CLGN: variants seen among roughly 807,000 people sequenced by gnomAD.
CLGN encodes calmegin, also known as testis tissue sperm-binding protein Li 79P.
Under a neutral mutation model 79.1 loss-of-function variants are expected in CLGN, and 62 were observed. The ratio of observed to expected loss-of-function variants is 0.78; its 90% confidence interval spans 0.64 to 0.97. The LOEUF is 0.97. Ranked by LOEUF, CLGN falls within the 50% of genes least tolerant of loss-of-function variation. The probability of loss-of-function intolerance (pLI) is 0.00; values close to 1 mark genes in which losing one functional copy is unlikely to be tolerated. For missense variants in CLGN, 647 were observed against 715.5 expected, an observed-to-expected ratio of 0.90 and a Z score of 1.09; for synonymous variants, 225 against 224.7, an observed-to-expected ratio of 1.00 and a Z score of -0.01.
chr4:140,399,344 A>T (rs1728954229), intron 7 of CLGN, among the ~76,000 whole-genome samples: 1 of 152,336 alleles, frequency 6.6e-6, no homozygotes, highest in African/African-American at 2.4e-5. Flanking sequence ...TTTTATAGTT[A>T]CAAAATACAA....
Position 140,389,149 on chromosome 4 carries a change from A to T in CLGN, c.*75T>A. On this transcript the variant is annotated 3_prime_UTR_variant, in exon 15 of 15. Transcript: ENST00000325617. ...TAGAAACAGGATGTGCAGACTGATT[A>T]AAGTTCAGGTCTGGCATGCTGATTT... 9.1e-7 allele frequency: 1 copy of T among 1,102,938 alleles called. No homozygotes were observed. The highest frequency in any genetic ancestry group is 1.4e-6 in the Non-Finnish European group (1 of 719,130). The allele number at this position is 1,102,938 out of a possible 1,614,324, so 68.3% of individuals were successfully genotyped here.
chr4:140,400,351 G>GTATA lies in CLGN; in HGVS notation c.694+2_694+5dup, dbSNP rs550006824. The stretch of plus-strand genomic sequence containing the variant: ...TTGAATACATGAATGAATTAAAAGG[G>GTATA]TATACCAAGGGTATAAAGATGAGTC... On this transcript the variant is annotated splice_donor_region_variant and intron_variant, in intron 7 of 14. Coordinates refer to ENST00000325617, the MANE Select transcript of CLGN (RefSeq NM_004362.3). 1.5e-4 allele frequency: 229 copies of GTATA among 1,567,538 alleles called. 1 individual carries two copies. The East Asian group carries it at 3.8e-3, about 26-fold the overall frequency.
chr4:140,407,601 A>G (rs1279167490), intron 4 of CLGN, among the ~76,000 whole-genome samples: 1 of 151,962 alleles, frequency 6.6e-6, no homozygotes, highest in Non-Finnish European at 1.5e-5. Flanking sequence ...AAAAAAAAAA[A>G]AATCCCTAGG....
intron 2 of CLGN, 34 bp downstream of exon 2, chr4:140,412,901 G>T: frequency 6.3e-7 from 1 of 1,578,910 alleles, no homozygotes; most frequent in South Asian, 1.1e-5. Context: ...CTATGTAAAG[G>T]AATAATTTAT....
In CLGN at chr4:140,412,150, G is replaced by C. The variant is rs181321608; in HGVS notation, c.144+785C>G. Among the ~76,000 whole-genome samples, 493 of 152,158 alleles carry C rather than the reference G, an allele frequency of 3.2e-3. 5 individuals carry two copies. The highest frequency in any genetic ancestry group is 0.011 in the African/African-American group (465 of 41,548). The stretch of plus-strand genomic sequence containing the variant: ...GTCCTTACAGAGCTTCAATTTAACA[G>C]GGGAAACATACTATTCACCTTAAAC... On this transcript the variant is annotated intron_variant, in intron 2 of 14. Coordinates refer to ENST00000325617, the MANE Select transcript of CLGN (RefSeq NM_004362.3).
Position 140,392,647 on chromosome 4 carries a change from A to T in CLGN, c.1430T>A (p.Leu477His). Residue 477 changes from leucine to histidine, a missense_variant, in exon 12 of 15, where the codon CTT becomes CAT. By Grantham distance (99) the Leu-to-His change is moderately conservative. Transcript: ENST00000325617. ...TGCTATTGGCACTCCTGCTGTCACA[A>T]GATAAATCAACCAAAGCCATGGGTG... ...EGHPWLWLIY[L>H]VTAGVPIALI... is the part of the protein sequence containing the mutation. The T allele has an allele frequency of 1.2e-6, 2 of 1,611,584 alleles. No individual in the cohort carries two copies. Among genetic ancestry groups the T allele is most frequent in the Non-Finnish European group, 1.7e-6 (2 of 1,178,928 alleles).
rs796269372 is a variant in CLGN, at chr4:140,405,345, C to T, written c.419+597G>A. On this transcript the variant is annotated intron_variant, in intron 5 of 14. Transcript: ENST00000325617. ...GACTACAGGCGCCCGCCACTACGCC[C>T]GGCTAATTTTTTGTATTTTTAGTAG... 7.3e-5 allele frequency among the ~76,000 whole-genome samples: 11 copies of T among 149,932 alleles called. No homozygotes were observed. In the South Asian group the frequency reaches 1.9e-3, roughly 26 times the overall value.
Position 140,392,621 on chromosome 4 carries a change from A to C in CLGN, c.1456T>G (p.Leu486Val), listed in dbSNP as rs750977409. 8 of 1,608,122 alleles carry C rather than the reference A, an allele frequency of 5.0e-6. No individual in the cohort carries two copies. In the East Asian group the frequency reaches 1.8e-4, roughly 36 times the overall value. ...YLVTAGVPIA[L>V]ITSFCWPRKV... ...CTTGGCCAACAAAATGAAGTAATTA[A>C]TGCTATTGGCACTCCTGCTGTCACA... The change falls in exon 12 of 15, where the codon TTA becomes GTA. Residue 486 changes from leucine to valine, a missense_variant. Transcript: ENST00000325617.
At chr4:140,403,407 C>T (rs377289095) in intron 5 of CLGN, among the ~76,000 whole-genome samples, 2 of 152,134 alleles carry the variant, frequency 1.3e-5, no homozygotes, top group African/African-American at 4.8e-5. Flanking sequence ...GGTATTCTTT[C>T]GTTCTTTTTC....
At chr4:140,405,426 T>C (rs2116239) in intron 5 of CLGN, among the ~76,000 whole-genome samples, 103,091 of 149,628 alleles carry the variant, frequency 0.69, 35,711 homozygotes, top group Non-Finnish European at 0.75. Context: ...CCTCGTGATC[T>C]GCCCGCCTCG....
At chr4:140,405,164 A>ATT (rs33924118) in intron 5 of CLGN, among the ~76,000 whole-genome samples, 23 of 85,300 alleles carry the variant, frequency 2.7e-4, no homozygotes, top group African/African-American at 6.6e-4. Context: ...ATAACAAGTA[A>ATT]TTTTTTTTAT....
Position 140,400,503 on chromosome 4 carries a change from T to C in CLGN, c.548A>G (p.Asp183Gly). The change falls in exon 7 of 15, where the codon GAT becomes GGT. Residue 183 changes from aspartate to glycine, a missense_variant. Asp to Gly is a moderately conservative substitution (Grantham distance 94, BLOSUM62 -1). Coordinates refer to ENST00000325617, the MANE Select transcript of CLGN (RefSeq NM_004362.3). ...KTSYIIMFGP[D>G]KCGEDYKLHF... Reference sequence around the variant, plus strand: ...AAGTTTATAATCTTCTCCACATTTATCTGGTCCAAACATAATGATATAGGA... The same window carrying C: ...AAGTTTATAATCTTCTCCACATTTACCTGGTCCAAACATAATGATATAGGA... 6.2e-7 allele frequency: 1 copy of C among 1,606,132 alleles called. No individual in the cohort carries two copies. Among genetic ancestry groups the C allele is most frequent in the South Asian group, 1.1e-5 (1 of 90,686 alleles).
At chr4:140,399,089 T>G (rs774348987) in intron 7 of CLGN, 49 bp from the exon 8 acceptor site, 11 of 1,459,168 alleles carry the variant, frequency 7.5e-6, no homozygotes, top group Non-Finnish European at 1.0e-5. Context: ...GATATACGCT[T>G]TAAAGATAAT....
Position 140,393,761 on chromosome 4 carries a change from C to A in CLGN, c.1365+65G>T, listed in dbSNP as rs1728817692. On this transcript the variant is annotated intron_variant, in intron 11 of 14. Coordinates refer to ENST00000325617, the MANE Select transcript of CLGN (RefSeq NM_004362.3). Reference sequence around the variant, plus strand: ...CATTTAAAAGAGCCATCTGAATAACCTACAACCAAGACCAAGTATTATTAT... The same window carrying A: ...CATTTAAAAGAGCCATCTGAATAACATACAACCAAGACCAAGTATTATTAT... 9 of 1,428,608 alleles carry A rather than the reference C, an allele frequency of 6.3e-6. No individual in the cohort carries two copies. The Admixed American group carries it at 1.6e-4, about 26-fold the overall frequency. The allele number at this position is 1,428,608 out of a possible 1,614,324, so 88.5% of individuals were successfully genotyped here. A position where few individuals can be genotyped will look rare whatever the true frequency, so the allele number is the denominator to read the frequency against.
Position 140,396,124 on chromosome 4 carries a change from G to T in CLGN, c.966C>A (p.Ile322=). 1.2e-6 allele frequency: 2 copies of T among 1,614,112 alleles called. No individual in the cohort carries two copies. Among genetic ancestry groups the T allele is most frequent in the Non-Finnish European group, 1.7e-6 (2 of 1,179,996 alleles). The change falls in exon 9 of 15, where the codon ATC becomes ATA. Residue 322 remains isoleucine (I), a synonymous_variant. Transcript: ENST00000325617. The part of the protein sequence containing the change: ...AGWLDDEPKF[I]PDPNAEKPDD... ...CAGGTTTTTCAGCATTAGGATCAGG[G>T]ATAAATTTTGGTTCATCATCAAGCC... is the stretch of plus-strand genomic sequence containing the variant.
At chr4:140,393,398 C>T (rs990971164) in intron 11 of CLGN, among the ~76,000 whole-genome samples, 4 of 151,802 alleles carry the variant, frequency 2.6e-5, no homozygotes, top group Non-Finnish European at 4.4e-5. Context: ...GTTAAGGTTT[C>T]GGGAAAAAAC....
At chr4:140,404,002 T>A (rs531760567) in intron 5 of CLGN, among the ~76,000 whole-genome samples, 1 of 152,198 alleles carries the variant, frequency 6.6e-6, no homozygotes, top group Non-Finnish European at 1.5e-5. Context: ...AACACAGTAG[T>A]AATGCTGAAA....
At position 140,392,267 on chromosome 4, in the gene CLGN, C is replaced by A. The variant is rs745319283; in HGVS notation, c.1603G>T (p.Asp535Tyr). The part of the protein sequence containing the change: ...EEKAALEKPM[D>Y]LEEEKKQNDG... ...TTTTGCTTTTTTTCCTCTTCCAGGT[C>A]CATTGGTTTTTCCAGGGCTGCTTTC... The change falls in exon 13 of 15, where the codon GAC becomes TAC. Residue 535 changes from aspartate to tyrosine, a missense_variant. Physicochemically the swap from Asp to Tyr is radical, Grantham distance 160. Coordinates refer to ENST00000325617, the MANE Select transcript of CLGN (RefSeq NM_004362.3). 3 of 1,613,102 alleles carry A rather than the reference C, an allele frequency of 1.9e-6. No homozygotes were observed. Among genetic ancestry groups the A allele is most frequent in the African/African-American group, 2.7e-5 (2 of 74,696 alleles).
In CLGN at chr4:140,393,961, A is replaced by C. The variant is rs1300040374; in HGVS notation, c.1230T>G (p.Ala410=). 11 of 1,613,806 alleles carry C rather than the reference A, an allele frequency of 6.8e-6. No homozygotes were observed. Among genetic ancestry groups the C allele is most frequent in the Non-Finnish European group, 8.5e-6 (10 of 1,179,784 alleles). ...DHPFLLTSFS[A]LGLELWSMTS... is the part of the protein sequence containing the mutation. ...TCATAGACCAAAGCTCTAAACCAAGAGCACTGAAAGAAGTCAGAAGAAATG... is the reference window on the plus strand; with the variant it reads ...TCATAGACCAAAGCTCTAAACCAAGCGCACTGAAAGAAGTCAGAAGAAATG... Residue 410 remains alanine (A), a synonymous_variant, in exon 11 of 15, where the codon GCT becomes GCG. Coordinates refer to ENST00000325617, the MANE Select transcript of CLGN (RefSeq NM_004362.3).
Sources: allele counts gnomAD v4.1 joint callset (sites outside exome capture counted in the v4.1 genomes callset), GRCh38; gene constraint gnomAD v4.1.1; transcripts MANE v1.5; gene names NCBI Gene and HGNC (gene_info 2026-07-23, HGNC 2026-07-21).